CDH13: variants seen among roughly 807,000 people sequenced by gnomAD.
CDH13 encodes cadherin-13.
Under a neutral mutation model 63.8 loss-of-function variants are expected in CDH13, and 24 were observed. The observed-to-expected ratio is 0.38, with a 90% CI of 0.27 to 0.53. The LOEUF is 0.53. CDH13 is among the 20% of genes least tolerant of loss of function. The probability of loss-of-function intolerance (pLI) is 0.85; values close to 1 mark genes in which losing one functional copy is unlikely to be tolerated. For missense variants in CDH13, 1,049 were observed against 903.1 expected, an observed-to-expected ratio of 1.16 and a Z score of -2.07; for synonymous variants, 503 against 355.3, an observed-to-expected ratio of 1.42 and a Z score of -4.67.
intron 6 of CDH13, among the ~76,000 whole-genome samples, chr16:83,439,550 T>C (rs1285016533): frequency 6.6e-6 from 1 of 152,222 alleles, no homozygotes; most frequent in African/African-American, 2.4e-5. Flanking sequence ...AATCTCATCT[T>C]TAGGTAGGAC....
Position 82,936,647 on chromosome 16 carries a change from G to T in CDH13, c.157+78174G>T, listed in dbSNP as rs141229510. Among the ~76,000 whole-genome samples, 1,174 of 152,252 alleles carry T rather than the reference G, an allele frequency of 7.7e-3. 12 individuals are homozygous for T. Among genetic ancestry groups the T allele is most frequent in the African/African-American group, 0.026 (1,090 of 41,534 alleles). On this transcript the variant is annotated intron_variant, in intron 2 of 13. Transcript: ENST00000567109. ...AATTTGCATTTCTAACTAGTCCCCC[G>T]AGTGGTGATGCTACTTTAGATCGTA...
intron 10 of CDH13, among the ~76,000 whole-genome samples, chr16:83,720,167 T>C (rs1402662535): frequency 2.6e-5 from 4 of 151,886 alleles, no homozygotes; most frequent in Non-Finnish European, 4.4e-5. Flanking sequence ...CTGACCTTGA[T>C]CCAGTACATA....
At chr16:83,195,401 C>T (rs1320505788) in intron 4 of CDH13, among the ~76,000 whole-genome samples, 2 of 152,124 alleles carry the variant, frequency 1.3e-5, no homozygotes, top group African/African-American at 4.8e-5. Context: ...GCAGAGTAAG[C>T]AGCTTCTGCT....
At chr16:83,355,481 C>A (rs2091034125) in intron 6 of CDH13, among the ~76,000 whole-genome samples, 1 of 152,194 alleles carries the variant, frequency 6.6e-6, no homozygotes, top group Non-Finnish European at 1.5e-5. Context: ...GAGTCCCAGG[C>A]ACAAATTATC....
chr16:83,624,883 C>T (rs904589855), intron 8 of CDH13, among the ~76,000 whole-genome samples: 2 of 152,192 alleles, frequency 1.3e-5, no homozygotes, highest in African/African-American at 4.8e-5. Context: ...GAACCAGTTC[C>T]CTTGAGCCTG....
At chr16:82,689,163 A>G (rs932893345) in intron 1 of CDH13, 1 of 121,502 alleles carries the variant, frequency 8.2e-6, no homozygotes, top group African/African-American at 3.3e-5. Context: ...CTGCATCCAA[A>G]CATTTTTTTT....
chr16:83,212,218 T>A (rs930530478), intron 4 of CDH13, among the ~76,000 whole-genome samples: 2 of 152,112 alleles, frequency 1.3e-5, no homozygotes, highest in African/African-American at 4.8e-5. Flanking sequence ...TTTTGAAGCA[T>A]GGCTGAGTGT....
chr16:83,061,484 C>G (rs954873653), intron 3 of CDH13, among the ~76,000 whole-genome samples: 1 of 152,152 alleles, frequency 6.6e-6, no homozygotes, highest in African/African-American at 2.4e-5. Flanking sequence ...GGTCCAGATA[C>G]AGAAAATGAG....
intron 3 of CDH13, among the ~76,000 whole-genome samples, chr16:83,114,518 CT>C (rs1236352205): frequency 1.6e-4 from 25 of 152,318 alleles, no homozygotes; most frequent in African/African-American, 3.4e-4. Flanking sequence ...CTCACACCCC[CT>C]GCCATGAGAT....
intron 5 of CDH13, among the ~76,000 whole-genome samples, chr16:83,338,183 T>TAAAAAAAAAAA (rs1408439057): frequency 1.8e-5 from 1 of 56,428 alleles, no homozygotes; most frequent in African/African-American, 6.7e-5. Context: ...CCTCTTCTTT[T>TAAAAAAAAAAA]TAAAAAAAAA....
chr16:82,742,296 G>C (rs1392080356), intron 1 of CDH13, among the ~76,000 whole-genome samples: 2 of 152,104 alleles, frequency 1.3e-5, no homozygotes, highest in Admixed American at 6.5e-5. Context: ...AATAATCACA[G>C]GATGATCTTA....
Position 82,881,832 on chromosome 16 carries a change from C to G in CDH13, c.157+23359C>G, listed in dbSNP as rs138423686. Among the ~76,000 whole-genome samples, 486 of 152,246 alleles carry G rather than the reference C, an allele frequency of 3.2e-3. 2 individuals carry two copies. The highest frequency in any genetic ancestry group is 0.01 in the African/African-American group (436 of 41,556). On this transcript the variant is annotated intron_variant, in intron 2 of 13. Transcript: ENST00000567109. ...CGATACGATAGCATGTCACCTGGTT[C>G]ATGACCCCCACACCCAGGTCTCTTT...
intron 6 of CDH13, among the ~76,000 whole-genome samples, chr16:83,461,233 C>A (rs1163505148): frequency 6.6e-6 from 1 of 151,934 alleles, no homozygotes; most frequent in Non-Finnish European, 1.5e-5. Context: ...TGTATATGTA[C>A]ATATTCCTAT....
At chr16:82,791,912 C>G (rs2036324799) in intron 1 of CDH13, among the ~76,000 whole-genome samples, 1 of 152,194 alleles carries the variant, frequency 6.6e-6, no homozygotes, top group South Asian at 2.1e-4. Flanking sequence ...GAACAAAAGG[C>G]TTGCTGCCAT....
chr16:83,794,613 A>G (rs1879511524), intron 13 of CDH13, among the ~76,000 whole-genome samples: 1 of 148,884 alleles, frequency 6.7e-6, no homozygotes, highest in African/African-American at 2.5e-5. Context: ...GTGACTTGTG[A>G]TCCTTAAGTC....
intron 8 of CDH13, among the ~76,000 whole-genome samples, chr16:83,648,881 A>G (rs1405495459): frequency 6.6e-6 from 1 of 150,760 alleles, no homozygotes; most frequent in African/African-American, 2.4e-5. Flanking sequence ...TTTTTTGCAT[A>G]TGTAGCTGTG....
intron 1 of CDH13, among the ~76,000 whole-genome samples, chr16:82,808,458 G>A (rs780887768): frequency 1.3e-5 from 2 of 152,106 alleles, no homozygotes; most frequent in Non-Finnish European, 2.9e-5. Flanking sequence ...ATCCTTATAG[G>A]AGGCAAGTCA....
intron 2 of CDH13, among the ~76,000 whole-genome samples, chr16:82,880,171 G>T (rs1200866216): frequency 2.6e-5 from 4 of 151,822 alleles, no homozygotes; most frequent in East Asian, 3.9e-4. Context: ...CAGTCTCTTT[G>T]TATCGCCCTA....
chr16:83,258,647 C>A (rs994475378), intron 5 of CDH13, among the ~76,000 whole-genome samples: 1 of 152,170 alleles, frequency 6.6e-6, no homozygotes, highest in African/African-American at 2.4e-5. Flanking sequence ...TTAACAGAGA[C>A]GTGGTGGCAA....
Sources: allele counts gnomAD v4.1 joint callset (sites outside exome capture counted in the v4.1 genomes callset), GRCh38; gene constraint gnomAD v4.1.1; transcripts MANE v1.5; gene names NCBI Gene and HGNC (gene_info 2026-07-23, HGNC 2026-07-21).